LEKR1: variants seen among roughly 807,000 people sequenced by gnomAD.
LEKR1 encodes leucine, glutamate and lysine rich 1, also known as protein LEKR1.
A neutral mutation model predicts 72.4 loss-of-function variants in LEKR1; 59 were observed. The ratio of observed to expected loss-of-function variants is 0.82; its 90% confidence interval spans 0.66 to 1.01. The LOEUF is 1.01. Ranked by LOEUF, LEKR1 falls within the 50% of genes least tolerant of loss-of-function variation. The pLI, the probability that LEKR1 is intolerant of heterozygous loss-of-function variation, is 0.00. For missense variants in LEKR1, 728 were observed against 759.2 expected (o/e 0.96, Z 0.48); for synonymous variants, 257 against 263.2 (o/e 0.98, Z 0.23).
intron 3 of LEKR1, 23 bp from the exon 4 acceptor site, chr3:156,920,552 G>T: frequency 7.2e-7 from 1 of 1,395,244 alleles, no homozygotes; most frequent in South Asian, 1.3e-5. Flanking sequence ...GAATACTTAA[G>T]GAATGTTTGT....
intron 10 of LEKR1, among the ~76,000 whole-genome samples, chr3:157,019,391 AG>A (rs1733631021): frequency 6.6e-6 from 1 of 152,210 alleles, no homozygotes; most frequent in Non-Finnish European, 1.5e-5. Context: ...CAAATACAAA[AG>A]AAATTTAAAA....
intron 3 of LEKR1, among the ~76,000 whole-genome samples, chr3:156,871,100 T>TC (rs1230840386): frequency 6.6e-6 from 1 of 151,864 alleles, no homozygotes; most frequent in Non-Finnish European, 1.5e-5. Context: ...ATGCTATCTC[T>TC]CCCCCCTCCC....
At chr3:156,959,074 C>T (rs890017515) in intron 6 of LEKR1, among the ~76,000 whole-genome samples, 4 of 152,040 alleles carry the variant, frequency 2.6e-5, no homozygotes, top group African/African-American at 9.7e-5. Context: ...ATAGCTTTTC[C>T]AGCTTATTAA....
At chr3:157,034,022 T>G (rs1007593212) in intron 12 of LEKR1, among the ~76,000 whole-genome samples, 8 of 151,078 alleles carry the variant, frequency 5.3e-5, no homozygotes, top group Non-Finnish European at 8.8e-5. Context: ...TTACTGAATA[T>G]TTTAAGCCTG....
intron 7 of LEKR1, among the ~76,000 whole-genome samples, chr3:156,980,763 C>T (rs768591650): frequency 4.6e-5 from 7 of 152,008 alleles, no homozygotes; most frequent in Non-Finnish European, 7.4e-5. Context: ...AATTTGTGGG[C>T]ATACCAAGAC....
In LEKR1 at chr3:156,933,086, C is replaced by T. The variant is rs533314093; in HGVS notation, c.559+5482C>T. Among the ~76,000 whole-genome samples the T allele has an allele frequency of 9.9e-5, 15 of 152,156 alleles. 1 individual carries two copies. The highest frequency in any genetic ancestry group is 3.4e-3 in the Middle Eastern group (1 of 294). On this transcript the variant is annotated intron_variant, in intron 5 of 12. Transcript: ENST00000356539. Reference sequence around the variant, plus strand: ...GAGCAGACACTGAGAGTGTGCTAGTCGCTAGTCATATTCTTTGGACCTTTA... The same window carrying T: ...GAGCAGACACTGAGAGTGTGCTAGTTGCTAGTCATATTCTTTGGACCTTTA...
chr3:156,914,120 C>T (rs1280986637), intron 3 of LEKR1, among the ~76,000 whole-genome samples: 1 of 151,984 alleles, frequency 6.6e-6, no homozygotes, highest in Non-Finnish European at 1.5e-5. Flanking sequence ...TCTCTAATTC[C>T]CAGTCCATAA....
intron 7 of LEKR1, among the ~76,000 whole-genome samples, chr3:156,982,381 A>AC (rs11409736): frequency 0.82 from 124,380 of 152,056 alleles, 50,973 homozygotes; most frequent in East Asian, 0.94. Flanking sequence ...GCAGGAAGGG[A>AC]TGGTTTTCTA....
chr3:156,831,818 G>A (rs1712451105), intron 2 of LEKR1, among the ~76,000 whole-genome samples: 3 of 152,250 alleles, frequency 2.0e-5, no homozygotes, highest in African/African-American at 7.2e-5. Flanking sequence ...ATTTGGGTGG[G>A]GGCACAGCCA....
At chr3:156,963,782 T>A (rs1728325059) in intron 6 of LEKR1, among the ~76,000 whole-genome samples, 1 of 152,188 alleles carries the variant, frequency 6.6e-6, no homozygotes, top group East Asian at 1.9e-4. Flanking sequence ...ATTCAGTCAT[T>A]TGCCCAGGAC....
In LEKR1 at chr3:156,915,676, G is replaced by A. The variant is rs987916820; in HGVS notation, c.264-4899G>A. The stretch of plus-strand genomic sequence containing the variant: ...TGCATATCGGGCCTGTTTTAGATGC[G>A]TAGTTTGTAAATTTTGTCTTCCATT... On this transcript the variant is annotated intron_variant, in intron 3 of 12. Transcript: ENST00000356539. 7.9e-5 allele frequency among the ~76,000 whole-genome samples: 12 copies of A among 151,738 alleles called. No homozygotes were observed. In the South Asian group the frequency reaches 8.3e-4, roughly 11 times the overall value.
chr3:157,028,349 G>A lies in LEKR1; in HGVS notation c.1615G>A (p.Val539Ile). ...MEQKSDELKR[V>I]MLAQTQLIEQ... ...ACAGAAGTCGGATGAACTGAAAAGA[G>A]TAATGCTGGCTCAAACACAACTGAT... Residue 539 changes from valine (V) to isoleucine (I), a missense_variant, in exon 12 of 13, where the codon GTA (valine) becomes ATA (isoleucine). Physicochemically the swap from Val to Ile is conservative, Grantham distance 29. Coordinates refer to ENST00000356539, the MANE Select transcript of LEKR1 (RefSeq NM_001004316.3). The A allele has an allele frequency of 3.1e-6, 5 of 1,612,938 alleles. No homozygotes were observed. The highest frequency in any genetic ancestry group is 4.2e-6 in the Non-Finnish European group (5 of 1,179,500).
At position 156,884,776 on chromosome 3, in the gene LEKR1, A is replaced by G. The variant is rs577095377; in HGVS notation, c.263+31794A>G. Among the ~76,000 whole-genome samples the G allele has an allele frequency of 2.5e-4, 38 of 152,236 alleles. 1 individual carries two copies. The Middle Eastern group carries it at 0.014, about 55-fold the overall frequency. On this transcript the variant is annotated intron_variant, in intron 3 of 12. Transcript: ENST00000356539. ...GTGCCTAGGCGATGATCTTTTTGGG[A>G]TGAATTTCCCAGGTGTTATTTGTGC...
chr3:156,850,523 G>T (rs1261827878), intron 2 of LEKR1, among the ~76,000 whole-genome samples: 5 of 152,124 alleles, frequency 3.3e-5, no homozygotes, highest in South Asian at 2.1e-4. Flanking sequence ...TCTCTTTCTG[G>T]AGCTACAGTG....
intron 9 of LEKR1, among the ~76,000 whole-genome samples, chr3:157,008,823 G>T (rs901598361): frequency 6.6e-6 from 1 of 152,066 alleles, no homozygotes; most frequent in Admixed American, 6.5e-5. Flanking sequence ...TCAATATTAT[G>T]TTCCTGAGAT....
At chr3:157,036,576 G>A (rs1463423848) in intron 12 of LEKR1, among the ~76,000 whole-genome samples, 1 of 152,070 alleles carries the variant, frequency 6.6e-6, no homozygotes, top group East Asian at 1.9e-4. Flanking sequence ...GCTGTTAGAA[G>A]ATATATGACA....
intron 12 of LEKR1, among the ~76,000 whole-genome samples, chr3:157,038,859 T>C (rs775972004): frequency 6.6e-6 from 1 of 152,200 alleles, no homozygotes; most frequent in African/African-American, 2.4e-5. Flanking sequence ...CATCTGAATG[T>C]TCACATGAAA....
chr3:156,907,256 T>G (rs1022063647), intron 3 of LEKR1, among the ~76,000 whole-genome samples: 1 of 152,066 alleles, frequency 6.6e-6, no homozygotes, highest in Non-Finnish European at 1.5e-5. Context: ...CTATTCTTTT[T>G]CTAAAGTTTT....
At chr3:156,996,649 T>G (rs1224320710) in intron 9 of LEKR1, among the ~76,000 whole-genome samples, 1 of 152,212 alleles carries the variant, frequency 6.6e-6, no homozygotes, top group Admixed American at 6.5e-5. Flanking sequence ...GCTTAAGAGA[T>G]ATGAGAAATA....
Sources: gnomAD v4.1 joint callset for allele counts (sites outside exome capture counted in the v4.1 genomes callset) on GRCh38, gnomAD v4.1.1 for gene constraint, MANE v1.5 for transcripts, NCBI Gene and HGNC (gene_info 2026-07-23, HGNC 2026-07-21) for gene names.